The following MEGF11 variants were observed in gnomAD, a reference collection of about 807,000 sequenced individuals.
The protein encoded by MEGF11 is multiple epidermal growth factor-like domains protein 11.
MEGF11 carries 126 observed loss-of-function variants against 146.6 expected under a neutral mutation model. The observed-to-expected ratio is 0.86, with a 90% CI of 0.74 to 1.00. MEGF11 has a LOEUF of 1.00. MEGF11 is among the 50% of genes least tolerant of loss of function. The pLI, the probability that MEGF11 is intolerant of heterozygous loss-of-function variation, is 0.00. For synonymous variants in MEGF11, 532 were observed against 583.4 expected, an observed-to-expected ratio of 0.91 and a Z score of 1.27; for missense variants, 1,509 against 1,521.2, an observed-to-expected ratio of 0.99 and a Z score of 0.13.
chr15:65,970,785 A>G, intron 7 of MEGF11, 96 bp from the exon 8 acceptor site: 2 of 1,402,398 alleles, frequency 1.4e-6, no homozygotes, highest in East Asian at 2.5e-5. Flanking sequence ...GGACCACCCA[A>G]CTTCCCAGAA....
intron 5 of MEGF11, among the ~76,000 whole-genome samples, chr15:66,072,044 G>T (rs1210490726): frequency 6.6e-6 from 1 of 152,230 alleles, no homozygotes; most frequent in African/African-American, 2.4e-5. Flanking sequence ...GCAGGAAGGG[G>T]CCTGTGCCTT....
chr15:66,042,203 C>T (rs995763271), intron 5 of MEGF11, among the ~76,000 whole-genome samples: 2 of 151,186 alleles, frequency 1.3e-5, no homozygotes, highest in African/African-American at 2.4e-5. Flanking sequence ...CTTTGCCTCC[C>T]AGGTTCAGCG....
chr15:66,203,117 A>G (rs12900353), intron 1 of MEGF11, among the ~76,000 whole-genome samples: 106,609 of 151,868 alleles, frequency 0.7, 37,738 homozygotes, highest in Middle Eastern at 0.74. Flanking sequence ...ACATACCTCA[A>G]CCCCCTGCCC....
At chr15:66,139,742 C>T (rs572644619) in intron 1 of MEGF11, among the ~76,000 whole-genome samples, 2 of 152,266 alleles carry the variant, frequency 1.3e-5, no homozygotes, top group Admixed American at 1.3e-4. Context: ...GGGGCATGTA[C>T]GCACTGTGTG....
intron 1 of MEGF11, among the ~76,000 whole-genome samples, chr15:66,205,277 T>C (rs2091270679): frequency 6.6e-6 from 1 of 152,042 alleles, no homozygotes; most frequent in Non-Finnish European, 1.5e-5. Context: ...CCTGTCTCTA[T>C]AAAAAATTTA....
intron 1 of MEGF11, among the ~76,000 whole-genome samples, chr15:66,158,571 G>A (rs1378900612): frequency 1.3e-5 from 2 of 152,228 alleles, no homozygotes; most frequent in African/African-American, 4.8e-5. Context: ...GAATCATCTG[G>A]GGTTGCATGG....
chr15:65,913,586 A>T (rs2078886864), intron 20 of MEGF11, 151 bp downstream of exon 20: 4 of 685,492 alleles, frequency 5.8e-6, no homozygotes, highest in Non-Finnish European at 5.1e-6. Context: ...TATCTTCTCT[A>T]GGTAGGCTCC....
chr15:66,020,869 G>T (rs535966361), intron 5 of MEGF11, among the ~76,000 whole-genome samples: 1 of 152,194 alleles, frequency 6.6e-6, no homozygotes, highest in East Asian at 1.9e-4. Flanking sequence ...GTAGGCGCCT[G>T]TAGTCCCAGC....
At chr15:66,144,384 C>G (rs1348135825) in intron 1 of MEGF11, among the ~76,000 whole-genome samples, 1 of 152,154 alleles carries the variant, frequency 6.6e-6, no homozygotes, top group Non-Finnish European at 1.5e-5. Flanking sequence ...CTTTCTTCGT[C>G]TCTTTCTCCC....
At chr15:65,932,149 TCTG>T (rs1476242749) in intron 10 of MEGF11, among the ~76,000 whole-genome samples, 5 of 152,280 alleles carry the variant, frequency 3.3e-5, no homozygotes, top group Non-Finnish European at 7.4e-5. Flanking sequence ...TACAGTAACT[TCTG>T]CTGATCTGGC....
At chr15:66,128,880 T>G (rs1161934597) in intron 1 of MEGF11, among the ~76,000 whole-genome samples, 1 of 152,188 alleles carries the variant, frequency 6.6e-6, no homozygotes, top group Non-Finnish European at 1.5e-5. Context: ...AGAAAAAAGA[T>G]GTCTGGTGTG....
At chr15:66,030,382 C>A (rs893406469) in intron 5 of MEGF11, among the ~76,000 whole-genome samples, 7 of 152,162 alleles carry the variant, frequency 4.6e-5, no homozygotes, top group Admixed American at 1.3e-4. Flanking sequence ...ACCACACATC[C>A]ATTACCTCAC....
chr15:65,992,643 A>G (rs573405457), intron 5 of MEGF11, among the ~76,000 whole-genome samples: 117 of 149,102 alleles, frequency 7.8e-4, no homozygotes, highest in Non-Finnish European at 1.6e-3. Context: ...GGACTTTATC[A>G]GGGACTTTAT....
chr15:66,133,312 G>A (rs1036345972), intron 1 of MEGF11, among the ~76,000 whole-genome samples: 5 of 152,220 alleles, frequency 3.3e-5, no homozygotes, highest in African/African-American at 1.2e-4. Context: ...GCTGCAGTTG[G>A]GGACTGGGTG....
At chr15:66,206,627 C>T (rs529614138) in intron 1 of MEGF11, among the ~76,000 whole-genome samples, 101 of 152,232 alleles carry the variant, frequency 6.6e-4, no homozygotes, top group African/African-American at 2.1e-3. Context: ...AGAGGCCAGG[C>T]GTGGTGGCTC....
chr15:66,117,007 A>G (rs1346064722), intron 4 of MEGF11, among the ~76,000 whole-genome samples: 1 of 152,170 alleles, frequency 6.6e-6, no homozygotes, highest in Non-Finnish European at 1.5e-5. Flanking sequence ...TCTTGGGCAA[A>G]TTACAGAAGC....
intron 10 of MEGF11, among the ~76,000 whole-genome samples, chr15:65,942,603 C>T (rs2080036468): frequency 6.6e-6 from 1 of 152,048 alleles, no homozygotes; most frequent in African/African-American, 2.4e-5. Context: ...ATCAGCATCC[C>T]ACATCCAGGC....
chr15:66,048,714 T>TC (rs930542989), intron 5 of MEGF11, among the ~76,000 whole-genome samples: 1 of 152,206 alleles, frequency 6.6e-6, no homozygotes, highest in Non-Finnish European at 1.5e-5. Context: ...GGCCTGGCCC[T>TC]CTAAGGGTCC....
chr15:65,901,321 A>G (rs932623014), intron 24 of MEGF11, among the ~76,000 whole-genome samples: 2 of 151,642 alleles, frequency 1.3e-5, no homozygotes, highest in Admixed American at 1.3e-4. Flanking sequence ...ACCTGCCTCA[A>G]CTGCATATTT....
Sources: allele counts gnomAD v4.1 joint callset (sites outside exome capture counted in the v4.1 genomes callset), GRCh38; gene constraint gnomAD v4.1.1; transcripts MANE v1.5; gene names NCBI Gene and HGNC (gene_info 2026-07-23, HGNC 2026-07-21).